Variants in CACNB1 observed in about 807,000 individuals in gnomAD.
CACNB1 encodes voltage-dependent L-type calcium channel subunit beta-1.
In CACNB1, 29 loss-of-function variants were observed where a neutral mutation model predicts 71.6. The observed-to-expected ratio is 0.40, with a 90% CI of 0.30 to 0.55. The LOEUF is 0.55. Among genes scored for constraint, CACNB1 ranks in the 20% least tolerant of loss-of-function variants. The probability of loss-of-function intolerance (pLI) is 0.38; values close to 1 mark genes in which losing one functional copy is unlikely to be tolerated. For missense variants in CACNB1, 623 were observed against 801.8 expected (o/e 0.78, Z 2.69); for synonymous variants, 300 against 319.6 (o/e 0.94, Z 0.65).
chr17:39,185,007 G>T, intron 7 of CACNB1, 124 bp downstream of exon 7: 2 of 1,026,432 alleles, frequency 1.9e-6, no homozygotes, highest in Non-Finnish European at 3.1e-6. Context: ...GGTGGGGAGG[G>T]ATGGCCAGGG....
In CACNB1 at chr17:39,173,551, G is replaced by A. The variant is rs1304089008; in HGVS notation, c.*1642C>T. On this transcript the variant is annotated 3_prime_UTR_variant, in exon 14 of 14. Transcript: ENST00000394303. ...CTTCCCATTGCCTTTGGCTCTACTT[G>A]TGGAGAGACAGGTAAGTGAAGGGGC... 6.6e-6 allele frequency: 1 copy of A among 151,700 alleles called. No homozygotes were observed. The highest frequency in any genetic ancestry group is 1.9e-4 in the East Asian group (1 of 5,258). The allele number at this position is 151,700 out of a possible 1,614,324, so 9.4% of individuals were successfully genotyped here. A position where few individuals can be genotyped will look rare whatever the true frequency, so the allele number is the denominator to read the frequency against.
intron 2 of CACNB1, chr17:39,192,051 C>T (rs765004252): frequency 5.5e-5 from 10 of 181,390 alleles, no homozygotes; most frequent in East Asian, 1.9e-4. Flanking sequence ...CAGCCGTGGA[C>T]GGCCTGCTCC....
rs763761491 is a variant in CACNB1 at position 39,173,754 on chromosome 17, TGAC to T, written c.*1436_*1438del. On this transcript the variant is annotated 3_prime_UTR_variant, in exon 14 of 14. Transcript: ENST00000394303. ...ATCAGCAGCTCCCAGGTGCCTACGC[TGAC>T]GACTATGTGGCGAGGACAAAGAAGC... 6.6e-6 allele frequency: 1 copy of T among 152,552 alleles called. No individual in the cohort carries two copies. Among genetic ancestry groups the T allele is most frequent in the Non-Finnish European group, 1.5e-5 (1 of 68,136 alleles). 9.4% of individuals were successfully genotyped at this position (152,552 alleles called of 1,614,324 possible).
intron 13 of CACNB1, chr17:39,177,050 G>A (rs986373765): frequency 5.0e-5 from 64 of 1,268,872 alleles, no homozygotes; most frequent in Admixed American, 6.4e-5. Context: ...ATATCCAGCG[G>A]GCAGCAGATG....
intron 13 of CACNB1, among the ~76,000 whole-genome samples, chr17:39,176,762 C>T (rs1436445185): frequency 1.3e-5 from 2 of 152,126 alleles, no homozygotes; most frequent in East Asian, 3.9e-4. Flanking sequence ...CAGGATGGGT[C>T]TCCCATGGGA....
intron 1 of CACNB1, among the ~76,000 whole-genome samples, chr17:39,195,663 C>A (rs1412620038): frequency 6.6e-6 from 1 of 152,148 alleles, no homozygotes; most frequent in Non-Finnish European, 1.5e-5. Flanking sequence ...TCATCCCTTG[C>A]CCAGACAGGA....
chr17:39,182,692 C>A (rs2045805350), intron 11 of CACNB1, among the ~76,000 whole-genome samples: 1 of 143,978 alleles, frequency 6.9e-6, no homozygotes, highest in Non-Finnish European at 1.5e-5. Context: ...CAGAGCAAGA[C>A]TCTGTCTAAA....
chr17:39,197,011 G>T (rs1360960559), intron 1 of CACNB1, among the ~76,000 whole-genome samples: 2 of 76,866 alleles, frequency 2.6e-5, no homozygotes, highest in Admixed American at 1.5e-4. Context: ...ACCCACACCC[G>T]CCTGGCGCCC....
intron 8 of CACNB1, 80 bp downstream of exon 8, chr17:39,184,704 G>T: frequency 9.8e-7 from 1 of 1,023,744 alleles, no homozygotes. Flanking sequence ...CTTGGGATCG[G>T]GCCCTTCTAG....
intron 11 of CACNB1, among the ~76,000 whole-genome samples, chr17:39,183,337 A>AAAGAAGAAGAAGAAG (rs35982951): frequency 4.1e-4 from 54 of 130,288 alleles, no homozygotes; most frequent in African/African-American, 1.3e-3. Context: ...GACTTAAAAA[A>AAAGAAGAAGAAGAAG]AAGAAGAAGA....
intron 1 of CACNB1, among the ~76,000 whole-genome samples, chr17:39,195,911 A>C (rs1169349065): frequency 6.6e-6 from 1 of 152,238 alleles, no homozygotes; most frequent in East Asian, 1.9e-4. Flanking sequence ...CGGGTGGAGG[A>C]AATACCGCCT....
At position 39,184,767 on chromosome 17, in the gene CACNB1, C is replaced by T. The variant is rs766973398; in HGVS notation, c.729+17G>A. On this transcript the variant is annotated intron_variant, in intron 8 of 13. Coordinates refer to ENST00000394303, the MANE Select transcript of CACNB1 (RefSeq NM_000723.5). ...TCTAAGGCCCCTCTGCATCCACTCC[C>T]CTCTAGGAAGTCCTACCTCGTAGCC... is the stretch of plus-strand genomic sequence containing the variant. 1.3e-6 allele frequency: 2 copies of T among 1,568,520 alleles called. No homozygotes were observed. The highest frequency in any genetic ancestry group is 1.8e-6 in the Non-Finnish European group (2 of 1,138,690).
At chr17:39,184,683 T>A in intron 8 of CACNB1, 101 bp downstream of exon 8, 1 of 876,026 alleles carries the variant, frequency 1.1e-6, no homozygotes, top group South Asian at 1.4e-5. Flanking sequence ...GTAGCCCTCC[T>A]GGGAGGATGC....
At chr17:39,187,714 G>A in intron 3 of CACNB1, 113 bp from the exon 4 acceptor site, 5 of 1,267,746 alleles carry the variant, frequency 3.9e-6, no homozygotes, top group Non-Finnish European at 5.7e-6. Context: ...ATAGTTCCTT[G>A]AAATGTGTAT....
intron 11 of CACNB1, 31 bp from the exon 12 acceptor site, chr17:39,178,110 G>C (rs72556378): frequency 6.5e-7 from 1 of 1,544,750 alleles, no homozygotes; most frequent in Non-Finnish European, 9.0e-7. Flanking sequence ...AGGAAGAGGA[G>C]CTAGAGGGAC....
rs545965492 is a variant in CACNB1, at chr17:39,191,596, G to A, written c.172-3C>T. ...CTGGTGTAGGACTCCGCTGAGCCCT[G>A]AAAATAGAGAGAGCCAGATCAGGGC... On this transcript the variant is annotated splice_region_variant and splice_polypyrimidine_tract_variant and intron_variant, in intron 2 of 13. Coordinates refer to ENST00000394303, the MANE Select transcript of CACNB1 (RefSeq NM_000723.5). 4.8e-5 allele frequency: 78 copies of A among 1,608,536 alleles called. No individual in the cohort carries two copies. The South Asian group carries it at 5.9e-4, about 12-fold the overall frequency.
Position 39,184,356 on chromosome 17 carries a change from A to AGCTT in CACNB1, c.756_757insAAGC (p.Phe253LysfsTer3). On this transcript the variant is annotated frameshift_variant, in exon 9 of 14. Coordinates refer to ENST00000394303, the MANE Select transcript of CACNB1 (RefSeq NM_000723.5). LOFTEE classifies it high-confidence loss of function. ...TCAAACCGATGCTTCAAGAAGTCAAATAAAGCTTTCTGCATCATGTCTGTA... is the reference window on the plus strand; with the variant it reads ...TCAAACCGATGCTTCAAGAAGTCAAAGCTTTAAAGCTTTCTGCATCATGTCTGTA... 6.5e-7 allele frequency: 1 copy of AGCTT among 1,548,306 alleles called. No individual in the cohort carries two copies. The highest frequency in any genetic ancestry group is 8.7e-7 in the Non-Finnish European group (1 of 1,144,060).
chr17:39,197,311 G>T (rs938599850), intron 1 of CACNB1, 101 bp downstream of exon 1: 6 of 632,098 alleles, frequency 9.5e-6, no homozygotes, highest in South Asian at 2.6e-5. Flanking sequence ...TCTCCTCCGC[G>T]CCCGGCATAT....
chr17:39,196,908 G>A lies in CACNB1; in HGVS notation c.84+504C>T, dbSNP rs867834409. ...CGGGGTTGGCTCTTTCCCCACCCTC[G>A]AGAACCAGTGTCTGCGGCTTTGAAG... On this transcript the variant is annotated intron_variant, in intron 1 of 13. Transcript: ENST00000394303. Among the ~76,000 whole-genome samples the A allele has an allele frequency of 1.6e-3, 245 of 152,142 alleles. 1 individual carries two copies. The highest frequency in any genetic ancestry group is 5.7e-3 in the African/African-American group (236 of 41,536).
Sources: gnomAD v4.1 joint callset for allele counts (sites outside exome capture counted in the v4.1 genomes callset) on GRCh38, gnomAD v4.1.1 for gene constraint, MANE v1.5 for transcripts, NCBI Gene and HGNC (gene_info 2026-07-23, HGNC 2026-07-21) for gene names.